Variants in GALNT18 observed in about 807,000 individuals in gnomAD.
The protein encoded by GALNT18 is GalNAc-transferase 18.
Under a neutral mutation model 69.5 loss-of-function variants are expected in GALNT18, and 44 were observed. The observed-to-expected ratio is 0.63, with a 90% CI of 0.50 to 0.81. GALNT18 has a LOEUF of 0.81. GALNT18 is among the 40% of genes least tolerant of loss of function. The probability of loss-of-function intolerance (pLI) is 0.00; values close to 1 mark genes in which losing one functional copy is unlikely to be tolerated. For synonymous variants in GALNT18, 364 were observed against 318.2 expected, an observed-to-expected ratio of 1.14 and a Z score of -1.53; for missense variants, 715 against 810.0, an observed-to-expected ratio of 0.88 and a Z score of 1.42.
In GALNT18 at chr11:11,347,399, C is replaced by T. The variant is rs1850322711; in HGVS notation, c.1093-6395G>A. ...AGGGATGGCAAATGAGTTTACACTCCTGTGTGAAATCCATTTGCTTGTTAA... is the reference window on the plus strand; with the variant it reads ...AGGGATGGCAAATGAGTTTACACTCTTGTGTGAAATCCATTTGCTTGTTAA... On this transcript the variant is annotated intron_variant, in intron 6 of 10. Coordinates refer to ENST00000227756, the MANE Select transcript of GALNT18 (RefSeq NM_198516.3). The surrounding 1 kb of genome is among the most constrained non-coding windows in gnomAD (Gnocchi z 4.0). Among the ~76,000 whole-genome samples the T allele has an allele frequency of 6.6e-6, 1 of 152,190 alleles. No homozygotes were observed. Among genetic ancestry groups the T allele is most frequent in the African/African-American group, 2.4e-5 (1 of 41,446 alleles).
chr11:11,498,465 G>A (rs1257153870), intron 1 of GALNT18, among the ~76,000 whole-genome samples: 1 of 152,204 alleles, frequency 6.6e-6, no homozygotes, highest in African/African-American at 2.4e-5. Flanking sequence ...AGTGGCTTCT[G>A]TAGAAGAGTC....
chr11:11,577,530 G>A (rs1283502139), intron 1 of GALNT18, among the ~76,000 whole-genome samples: 2 of 152,172 alleles, frequency 1.3e-5, no homozygotes, highest in African/African-American at 2.4e-5. Context: ...TTTTGTTAGA[G>A]AGAATGTCAC....
At chr11:11,521,582 C>T (rs1424099525) in intron 1 of GALNT18, among the ~76,000 whole-genome samples, 1 of 152,212 alleles carries the variant, frequency 6.6e-6, no homozygotes, top group Non-Finnish European at 1.5e-5. Context: ...CAGCCACTTT[C>T]CTGAGCTCCA....
intron 3 of GALNT18, among the ~76,000 whole-genome samples, chr11:11,391,808 G>A (rs1395075229): frequency 6.6e-6 from 1 of 152,238 alleles, no homozygotes; most frequent in African/African-American, 2.4e-5. Context: ...CCAGGGCTTT[G>A]AAGAAAGCCC....
At chr11:11,326,561 G>A (rs1849923604) in intron 9 of GALNT18, among the ~76,000 whole-genome samples, 1 of 152,132 alleles carries the variant, frequency 6.6e-6, no homozygotes, top group Non-Finnish European at 1.5e-5. Context: ...TTATTTTCCT[G>A]GTAGCTGCCC....
chr11:11,584,263 C>G lies in GALNT18; in HGVS notation c.235+37096G>C, dbSNP rs1374915423. On this transcript the variant is annotated intron_variant, in intron 1 of 10. Coordinates refer to ENST00000227756, the MANE Select transcript of GALNT18 (RefSeq NM_198516.3). The surrounding 1 kb of genome is among the most constrained non-coding windows in gnomAD (Gnocchi z 4.1). Reference sequence around the variant, plus strand: ...GCTCGAGGATAGACACTGACCTATGCCAGGAAAGGCCTGGAAGTTATGTCC... The same window carrying G: ...GCTCGAGGATAGACACTGACCTATGGCAGGAAAGGCCTGGAAGTTATGTCC... Among the ~76,000 whole-genome samples the G allele has an allele frequency of 6.6e-6, 1 of 151,978 alleles. No individual in the cohort carries two copies. The highest frequency in any genetic ancestry group is 1.5e-5 in the Non-Finnish European group (1 of 68,002).
Position 11,621,071 on chromosome 11 carries a change from C to G in GALNT18, c.235+288G>C, listed in dbSNP as rs1295304795. Among the ~76,000 whole-genome samples the G allele has an allele frequency of 1.3e-5, 2 of 152,222 alleles. No homozygotes were observed. Among genetic ancestry groups the G allele is most frequent in the Non-Finnish European group, 2.9e-5 (2 of 68,036 alleles). ...CGCGAGCAACCAGCCCAGAGTCACA[C>G]GCACATTTGGACACGTGCGCAGCGC... is the stretch of plus-strand genomic sequence containing the variant. On this transcript the variant is annotated intron_variant, in intron 1 of 10. Transcript: ENST00000227756. This position sits in a 1 kb window ranked among gnomAD's most constrained non-coding sequence, Gnocchi z 9.3.
At position 11,522,493 on chromosome 11, in the gene GALNT18, A is replaced by G. The variant is rs565777259; in HGVS notation, c.236-73557T>C. Among the ~76,000 whole-genome samples, 82 of 152,286 alleles carry G rather than the reference A, an allele frequency of 5.4e-4. 1 individual carries two copies. In the South Asian group the frequency reaches 0.012, roughly 22 times the overall value. On this transcript the variant is annotated intron_variant, in intron 1 of 10. Coordinates refer to ENST00000227756, the MANE Select transcript of GALNT18 (RefSeq NM_198516.3). ...GCCACATAGCACAGACAAGAGATGA[A>G]GAATCATGCCCACAGAAACACGCAG...
At chr11:11,547,921 A>T (rs1373573862) in intron 1 of GALNT18, among the ~76,000 whole-genome samples, 3 of 152,080 alleles carry the variant, frequency 2.0e-5, no homozygotes, top group East Asian at 3.9e-4. Context: ...CTTCAAACTG[A>T]CAGGCCCTTG....
In GALNT18 at chr11:11,302,553, GA is replaced by G. The variant is rs561030228; in HGVS notation, c.1513-9361del. ...CAGCAAAGTGCCTTGACACAGATGG[GA>G]GCTGCAAACAAAAGCCACATCAAGC... On this transcript the variant is annotated intron_variant, in intron 9 of 10. Coordinates refer to ENST00000227756, the MANE Select transcript of GALNT18 (RefSeq NM_198516.3). Among the ~76,000 whole-genome samples the G allele has an allele frequency of 1.3e-3, 199 of 152,274 alleles. 1 individual carries two copies. The highest frequency in any genetic ancestry group is 6.8e-3 in the Middle Eastern group (2 of 292).
intron 10 of GALNT18, among the ~76,000 whole-genome samples, chr11:11,282,071 A>G (rs1276615839): frequency 1.3e-5 from 2 of 150,082 alleles, no homozygotes; most frequent in Non-Finnish European, 1.5e-5. Context: ...ATAAAAGGTT[A>G]AAGTTTAAAA....
chr11:11,459,533 G>T lies in GALNT18; in HGVS notation c.236-10597C>A, dbSNP rs777443046. Among the ~76,000 whole-genome samples the T allele has an allele frequency of 6.6e-6, 1 of 152,188 alleles. No homozygotes were observed. Among genetic ancestry groups the T allele is most frequent in the Non-Finnish European group, 1.5e-5 (1 of 68,030 alleles). ...AAGAGATGTCCCACTGCAAGGCCAA[G>T]TGCAGACTCCATTAGGGGCTGAGCC... On this transcript the variant is annotated intron_variant, in intron 1 of 10. Coordinates refer to ENST00000227756, the MANE Select transcript of GALNT18 (RefSeq NM_198516.3). The surrounding 1 kb of genome is among the most constrained non-coding windows in gnomAD (Gnocchi z 5.0).
intron 3 of GALNT18, among the ~76,000 whole-genome samples, chr11:11,390,442 C>T (rs1854159922): frequency 6.6e-6 from 1 of 152,202 alleles, no homozygotes; most frequent in African/African-American, 2.4e-5. Context: ...CCAGTGAGGG[C>T]CAACCTCAGG....
chr11:11,535,929 G>C (rs1311543458), intron 1 of GALNT18, among the ~76,000 whole-genome samples: 3 of 152,196 alleles, frequency 2.0e-5, no homozygotes, highest in African/African-American at 7.2e-5. Flanking sequence ...GGAGCCCCCA[G>C]AGAAGCTGTG....
Position 11,511,346 on chromosome 11 carries a change from G to A in GALNT18, c.236-62410C>T, listed in dbSNP as rs1410126082. Among the ~76,000 whole-genome samples the A allele has an allele frequency of 6.6e-6, 1 of 152,070 alleles. No individual in the cohort carries two copies. Among genetic ancestry groups the A allele is most frequent in the Non-Finnish European group, 1.5e-5 (1 of 68,014 alleles). On this transcript the variant is annotated intron_variant, in intron 1 of 10. Transcript: ENST00000227756. This position sits in a 1 kb window ranked among gnomAD's most constrained non-coding sequence, Gnocchi z 4.9. ...CCCTGGTCTCAGACCTTACACACTGGTCTGCAAAGAGCTACAGCTCAAGGT... is the reference window on the plus strand; with the variant it reads ...CCCTGGTCTCAGACCTTACACACTGATCTGCAAAGAGCTACAGCTCAAGGT...
chr11:11,285,016 C>A (rs1378461601), intron 10 of GALNT18, among the ~76,000 whole-genome samples: 2 of 147,876 alleles, frequency 1.4e-5, no homozygotes, highest in Non-Finnish European at 3.0e-5. Context: ...GCCCCTTGGA[C>A]TGAAGATGGG....
intron 1 of GALNT18, among the ~76,000 whole-genome samples, chr11:11,458,769 T>C (rs1458296143): frequency 1.3e-5 from 2 of 152,356 alleles, no homozygotes; most frequent in African/African-American, 2.4e-5. Flanking sequence ...TCACGGCCTG[T>C]GGGCCTGACC....
At chr11:11,453,276 A>G (rs968254892) in intron 1 of GALNT18, among the ~76,000 whole-genome samples, 1 of 152,124 alleles carries the variant, frequency 6.6e-6, no homozygotes, top group African/African-American at 2.4e-5. Flanking sequence ...AGAACCCTCC[A>G]AGGGCCTTCC....
intron 1 of GALNT18, among the ~76,000 whole-genome samples, chr11:11,568,348 T>A: frequency 6.6e-6 from 1 of 152,032 alleles, no homozygotes; most frequent in Admixed American, 6.5e-5. Flanking sequence ...TTTGCACCTA[T>A]GTCCTGTGGC....
Sources: allele counts gnomAD v4.1 joint callset (sites outside exome capture counted in the v4.1 genomes callset), GRCh38; gene constraint gnomAD v4.1.1; non-coding constraint Gnocchi (gnomAD v3.1); transcripts MANE v1.5; gene names NCBI Gene and HGNC (gene_info 2026-07-23, HGNC 2026-07-21).